The following ALG14 variants were observed in gnomAD, a reference collection of about 807,000 sequenced individuals.
ALG14 encodes ALG14 UDP-N-acetylglucosaminyltransferase subunit, also known as UDP-N-acetylglucosamine transferase subunit ALG14.
ALG14 carries 17 observed loss-of-function variants against 22.8 expected under a neutral mutation model. The observed-to-expected ratio is 0.75, with a 90% confidence interval of 0.51 to 1.12. The LOEUF is 1.12. Ranked by LOEUF, ALG14 falls within the 50% of genes most tolerant of loss-of-function variation. ALG14 has a pLI of 0.00. For synonymous variants in ALG14, 89 were observed against 103.7 expected (o/e 0.86, Z 0.86); for missense variants, 288 against 271.8 (o/e 1.06, Z -0.42).
chr1:95,059,233 C>A (rs557334934), intron 2 of ALG14, among the ~76,000 whole-genome samples: 1 of 151,740 alleles, frequency 6.6e-6, no homozygotes, highest in South Asian at 2.1e-4. Flanking sequence ...CCCGTCTCTA[C>A]TAAAAATACA....
chr1:95,033,470 C>CAT (rs1265664346), intron 2 of ALG14, among the ~76,000 whole-genome samples: 101 of 149,670 alleles, frequency 6.7e-4, no homozygotes, highest in South Asian at 5.1e-3. Context: ...CACACACACA[C>CAT]ATATATATAT....
At chr1:95,012,605 T>G (rs1392944526) in intron 3 of ALG14, among the ~76,000 whole-genome samples, 1 of 152,210 alleles carries the variant, frequency 6.6e-6, no homozygotes, top group African/African-American at 2.4e-5. Flanking sequence ...AGTTTAGTCA[T>G]ATACCCTATC....
At chr1:94,991,085 T>C (rs1391296573) in intron 3 of ALG14, among the ~76,000 whole-genome samples, 1 of 152,264 alleles carries the variant, frequency 6.6e-6, no homozygotes, top group Non-Finnish European at 1.5e-5. Context: ...TACTTACCCA[T>C]GCTATGTCTC....
In ALG14 at chr1:94,980,833, T is replaced by G. The variant is rs1416639586; in HGVS notation, c.*2243A>C. 6.6e-6 allele frequency: 1 copy of G among 152,248 alleles called. No homozygotes were observed. The highest frequency in any genetic ancestry group is 1.5e-5 in the Non-Finnish European group (1 of 68,046). The allele number at this position is 152,248 out of a possible 1,614,324, so 9.4% of individuals were successfully genotyped here. ...TTTTGGTGATATAACACATACACAT[T>G]CTTTCTCTGACATTCCAGGCTAACC... is the stretch of plus-strand genomic sequence containing the variant. On this transcript the variant is annotated 3_prime_UTR_variant, in exon 4 of 4. Coordinates refer to ENST00000370205, the MANE Select transcript of ALG14 (RefSeq NM_144988.4).
chr1:95,026,506 G>GTGTGTA (rs1673822639), intron 3 of ALG14, among the ~76,000 whole-genome samples: 1 of 148,502 alleles, frequency 6.7e-6, no homozygotes, highest in Non-Finnish European at 1.5e-5. Context: ...GTGTGTGTAT[G>GTGTGTA]TGTGTGTGAG....
chr1:95,064,820 C>G, intron 2 of ALG14, 46 bp downstream of exon 2: 3 of 1,574,218 alleles, frequency 1.9e-6, no homozygotes, highest in Non-Finnish European at 2.6e-6. Context: ...CAATTAAACT[C>G]AATGTGCAAC....
At chr1:95,002,247 G>GT (rs1359027534) in intron 3 of ALG14, among the ~76,000 whole-genome samples, 1 of 152,132 alleles carries the variant, frequency 6.6e-6, no homozygotes, top group African/African-American at 2.4e-5. Flanking sequence ...AAGTACCTGG[G>GT]GGGGGGAACC....
intron 3 of ALG14, among the ~76,000 whole-genome samples, chr1:94,999,302 T>G (rs1571588319): frequency 7.0e-6 from 1 of 143,622 alleles, no homozygotes; most frequent in African/African-American, 2.5e-5. Flanking sequence ...AAAAAAAAAG[T>G]CCTCTAGCTA....
intron 2 of ALG14, among the ~76,000 whole-genome samples, chr1:95,037,674 C>T (rs772604365): frequency 6.6e-6 from 1 of 152,140 alleles, no homozygotes; most frequent in Non-Finnish European, 1.5e-5. Context: ...ATTGTTCAAG[C>T]CAATTTTAAG....
intron 2 of ALG14, among the ~76,000 whole-genome samples, chr1:95,029,344 G>T (rs1673925926): frequency 6.6e-6 from 1 of 152,186 alleles, no homozygotes; most frequent in Non-Finnish European, 1.5e-5. Context: ...TCCAAGAAGA[G>T]GCAAGGCAGA....
intron 3 of ALG14, among the ~76,000 whole-genome samples, chr1:94,986,466 CTTT>C (rs891261423): frequency 6.6e-6 from 1 of 151,402 alleles, no homozygotes; most frequent in East Asian, 1.9e-4. Flanking sequence ...TGACTGACAG[CTTT>C]TTTTTTCTTT....
At position 94,975,514 on chromosome 1, in the gene ALG14, A is replaced by G. The variant is rs1316144141; in HGVS notation, c.*7562T>C. 1 of 152,202 alleles carries G rather than the reference A, an allele frequency of 6.6e-6. No individual in the cohort carries two copies. The highest frequency in any genetic ancestry group is 1.5e-5 in the Non-Finnish European group (1 of 68,046). The allele number at this position is 152,202 out of a possible 1,614,324, so 9.4% of individuals were successfully genotyped here. ...TCCAGGGTATACACCTATGGGTAGA[A>G]TTTCTGGGTCATATGATAACCCTAT... On this transcript the variant is annotated 3_prime_UTR_variant, in exon 4 of 4. Transcript: ENST00000370205.
Position 94,978,724 on chromosome 1 carries a change from C to A in ALG14, c.*4352G>T, listed in dbSNP as rs1343042532. 1 of 152,048 alleles carries A rather than the reference C, an allele frequency of 6.6e-6. No individual in the cohort carries two copies. Among genetic ancestry groups the A allele is most frequent in the African/African-American group, 2.4e-5 (1 of 41,394 alleles). The allele number at this position is 152,048 out of a possible 1,614,324, so 9.4% of individuals were successfully genotyped here. On this transcript the variant is annotated 3_prime_UTR_variant, in exon 4 of 4. Coordinates refer to ENST00000370205, the MANE Select transcript of ALG14 (RefSeq NM_144988.4). ...TATCCTTTGGAACTCAGGTAAAATA[C>A]CACTTTCTTAGAAAGGCCTTTCCTG...
In ALG14 at chr1:94,981,452, T is replaced by C. The variant is rs1293306829; in HGVS notation, c.*1624A>G. ...TCAGAGAAGACAGTTTTTTTGTTTT[T>C]TTTGCTTTTTTTTTTTAAAAAAAAA... On this transcript the variant is annotated 3_prime_UTR_variant, in exon 4 of 4. Transcript: ENST00000370205. 2 of 133,214 alleles carry C rather than the reference T, an allele frequency of 1.5e-5. No homozygotes were observed. Among genetic ancestry groups the C allele is most frequent in the Non-Finnish European group, 3.2e-5 (2 of 63,090 alleles). The allele number at this position is 133,214 out of a possible 1,614,324, so 8.3% of individuals were successfully genotyped here.
intron 3 of ALG14, among the ~76,000 whole-genome samples, chr1:95,023,481 AT>A (rs1673724163): frequency 6.6e-6 from 1 of 152,190 alleles, no homozygotes; most frequent in Admixed American, 6.5e-5. Context: ...GGTATGAAAC[AT>A]GGAAAAAAAT....
At chr1:95,027,000 A>T in intron 3 of ALG14, 129 bp downstream of exon 3, 1 of 1,163,750 alleles carries the variant, frequency 8.6e-7, no homozygotes, top group Non-Finnish European at 1.2e-6. Context: ...GGCACCAGCC[A>T]GTTCAGGGTC....
In ALG14 at chr1:94,976,803, T is replaced by C. The variant is rs1336644593; in HGVS notation, c.*6273A>G. ...ATCTGTGAATATCATGACATGTCAT[T>C]CCTCTGATTATGTTACATTAACATG... On this transcript the variant is annotated 3_prime_UTR_variant, in exon 4 of 4. Transcript: ENST00000370205. 1.3e-5 allele frequency: 2 copies of C among 152,190 alleles called. No individual in the cohort carries two copies. Among genetic ancestry groups the C allele is most frequent in the African/African-American group, 4.8e-5 (2 of 41,448 alleles). The allele number at this position is 152,190 out of a possible 1,614,324, so 9.4% of individuals were successfully genotyped here. A position where few individuals can be genotyped will look rare whatever the true frequency, so the allele number is the denominator to read the frequency against.
intron 3 of ALG14, among the ~76,000 whole-genome samples, chr1:95,023,879 A>C (rs1196081794): frequency 1.3e-5 from 2 of 152,222 alleles, no homozygotes; most frequent in South Asian, 2.1e-4. Flanking sequence ...GACTCACTTA[A>C]TCCAGTATTC....
Position 95,071,533 on chromosome 1 carries a change from A to C in ALG14, c.136+1230T>G, listed in dbSNP as rs537588635. ...CCTCCAGCCTGGGCAACAGCGTGAG[A>C]CTCTGTATAAAAAAGAAAAAAAGCA... On this transcript the variant is annotated intron_variant, in intron 1 of 3. Transcript: ENST00000370205. Among the ~76,000 whole-genome samples the C allele has an allele frequency of 7.2e-5, 11 of 152,106 alleles. No individual in the cohort carries two copies. The East Asian group carries it at 2.1e-3, about 29-fold the overall frequency.
Sources: allele counts gnomAD v4.1 joint callset (sites outside exome capture counted in the v4.1 genomes callset), GRCh38; gene constraint gnomAD v4.1.1; transcripts MANE v1.5; gene names NCBI Gene and HGNC (gene_info 2026-07-23, HGNC 2026-07-21).